TMCO4: variants seen among roughly 807,000 people sequenced by gnomAD.
TMCO4 encodes transmembrane and coiled-coil domains 4.
A neutral mutation model predicts 64.7 loss-of-function variants in TMCO4; 58 were observed. The observed-to-expected ratio is 0.90, with a 90% CI of 0.73 to 1.12. TMCO4 has a LOEUF of 1.12. Ranked by LOEUF, TMCO4 falls within the 50% of genes most tolerant of loss-of-function variation. The pLI, the probability that TMCO4 is intolerant of heterozygous loss-of-function variation, is 0.00. For missense variants in TMCO4, 780 were observed against 825.9 expected, an observed-to-expected ratio of 0.94 and a Z score of 0.68; for synonymous variants, 325 against 346.1, an observed-to-expected ratio of 0.94 and a Z score of 0.68.
chr1:19,692,575 CAAAAAAAA>C (rs532713684), intron 15 of TMCO4, among the ~76,000 whole-genome samples: 5 of 63,956 alleles, frequency 7.8e-5, no homozygotes, highest in African/African-American at 2.0e-4. Flanking sequence ...ATTAAAAATA[CAAAAAAAA>C]AAAAAAAAAA....
intron 14 of TMCO4, 124 bp downstream of exon 14, chr1:19,700,644 C>A: frequency 1.1e-6 from 1 of 942,952 alleles, no homozygotes; most frequent in Non-Finnish European, 1.6e-6. Flanking sequence ...GGTGCCCGGC[C>A]GGTTCCTGGG....
intron 15 of TMCO4, among the ~76,000 whole-genome samples, chr1:19,687,210 C>T (rs1264307516): frequency 1.3e-5 from 2 of 152,178 alleles, no homozygotes; most frequent in South Asian, 2.1e-4. Flanking sequence ...CCTTGGCCTC[C>T]CAAAGTGCTT....
chr1:19,713,718 A>C (rs1422549406), intron 13 of TMCO4, among the ~76,000 whole-genome samples: 1 of 150,432 alleles, frequency 6.6e-6, no homozygotes, highest in East Asian at 2.3e-4. Context: ...ATCAACAACA[A>C]CAACAACAAC....
chr1:19,740,740 G>A, intron 11 of TMCO4, 37 bp downstream of exon 11: 2 of 1,584,760 alleles, frequency 1.3e-6, no homozygotes, highest in Non-Finnish European at 1.7e-6. Context: ...GAAGGCAGTG[G>A]GCATGCTGTT....
At chr1:19,779,366 T>C (rs907190150) in intron 4 of TMCO4, among the ~76,000 whole-genome samples, 1 of 152,220 alleles carries the variant, frequency 6.6e-6, no homozygotes, top group Non-Finnish European at 1.5e-5. Context: ...CTGTGTCCTC[T>C]GTCCACCACT....
chr1:19,734,793 G>C lies in TMCO4; in HGVS notation c.1264+2579C>G, dbSNP rs570293700. Reference sequence around the variant, plus strand: ...GCCAGACTCCCTGGGCCTGAATCCTGGCTCTGGCACTTAGGATTCTTGTGG... The same window carrying C: ...GCCAGACTCCCTGGGCCTGAATCCTCGCTCTGGCACTTAGGATTCTTGTGG... On this transcript the variant is annotated intron_variant, in intron 13 of 15. Coordinates refer to ENST00000294543, the MANE Select transcript of TMCO4 (RefSeq NM_181719.7). The surrounding 1 kb of genome is among the most constrained non-coding windows in gnomAD (Gnocchi z 4.4). 2.0e-5 allele frequency among the ~76,000 whole-genome samples: 3 copies of C among 152,258 alleles called. No individual in the cohort carries two copies. Among genetic ancestry groups the C allele is most frequent in the South Asian group, 4.1e-4 (2 of 4,822 alleles).
intron 14 of TMCO4, among the ~76,000 whole-genome samples, chr1:19,695,787 G>A (rs976185578): frequency 6.6e-5 from 10 of 152,164 alleles, no homozygotes; most frequent in African/African-American, 2.4e-4. Flanking sequence ...CTGGGTCCCT[G>A]AGCTAAGGGG....
chr1:19,732,910 T>A lies in TMCO4; in HGVS notation c.1264+4462A>T, dbSNP rs2095436208. 6.6e-6 allele frequency among the ~76,000 whole-genome samples: 1 copy of A among 151,906 alleles called. No homozygotes were observed. The highest frequency in any genetic ancestry group is 2.1e-4 in the South Asian group (1 of 4,824). On this transcript the variant is annotated intron_variant, in intron 13 of 15. Transcript: ENST00000294543. The surrounding 1 kb of genome is among the most constrained non-coding windows in gnomAD (Gnocchi z 4.8). ...TTCTTCTTCTTTTAAAATGTAGAGGTTTTCTTTTTTTCTTTCTTCTCGTTT... is the reference window on the plus strand; with the variant it reads ...TTCTTCTTCTTTTAAAATGTAGAGGATTTCTTTTTTTCTTTCTTCTCGTTT...
At chr1:19,746,250 G>A (rs2041776199) in intron 9 of TMCO4, among the ~76,000 whole-genome samples, 1 of 152,182 alleles carries the variant, frequency 6.6e-6, no homozygotes, top group African/African-American at 2.4e-5. Flanking sequence ...CACACAAGGT[G>A]CATGGGGAAA....
At chr1:19,697,602 T>C (rs1250416000) in intron 14 of TMCO4, among the ~76,000 whole-genome samples, 1 of 149,416 alleles carries the variant, frequency 6.7e-6, no homozygotes, top group Admixed American at 6.7e-5. Flanking sequence ...CCTGGTTAAC[T>C]TTTGTATTTT....
At chr1:19,694,682 T>C in intron 14 of TMCO4, 131 bp from the exon 15 acceptor site, 1 of 751,490 alleles carries the variant, frequency 1.3e-6, no homozygotes, top group Non-Finnish European at 2.2e-6. Context: ...GGCCCCTGAT[T>C]GCACGGTGGG....
Position 19,734,789 on chromosome 1 carries a change from T to C in TMCO4, c.1264+2583A>G, listed in dbSNP as rs1040487614. On this transcript the variant is annotated intron_variant, in intron 13 of 15. Transcript: ENST00000294543. The surrounding 1 kb of genome is among the most constrained non-coding windows in gnomAD (Gnocchi z 4.4). ...CAGGGCCAGACTCCCTGGGCCTGAA[T>C]CCTGGCTCTGGCACTTAGGATTCTT... is the stretch of plus-strand genomic sequence containing the variant. Among the ~76,000 whole-genome samples the C allele has an allele frequency of 6.6e-6, 1 of 152,126 alleles. No individual in the cohort carries two copies. Among genetic ancestry groups the C allele is most frequent in the Non-Finnish European group, 1.5e-5 (1 of 68,012 alleles).
chr1:19,717,058 C>T (rs893388240), intron 13 of TMCO4, among the ~76,000 whole-genome samples: 2 of 152,066 alleles, frequency 1.3e-5, no homozygotes, highest in African/African-American at 4.8e-5. Flanking sequence ...TGGTAGTAGG[C>T]GCCTGTAATC....
chr1:19,736,782 A>G (rs2095456708), intron 13 of TMCO4, among the ~76,000 whole-genome samples: 1 of 152,132 alleles, frequency 6.6e-6, no homozygotes, highest in African/African-American at 2.4e-5. Flanking sequence ...TGAATGGTGA[A>G]CCCCCAGAAG....
intron 13 of TMCO4, among the ~76,000 whole-genome samples, chr1:19,727,495 A>T (rs1217766790): frequency 6.6e-6 from 1 of 152,228 alleles, no homozygotes; most frequent in Non-Finnish European, 1.5e-5. Context: ...AACTCCCTAA[A>T]GCCTAGTCTA....
At chr1:19,779,694 G>A (rs2043369202) in intron 4 of TMCO4, among the ~76,000 whole-genome samples, 1 of 152,180 alleles carries the variant, frequency 6.6e-6, no homozygotes, top group Non-Finnish European at 1.5e-5. Context: ...TTGAGGGCAG[G>A]AGCTGGGCCT....
intron 15 of TMCO4, among the ~76,000 whole-genome samples, chr1:19,685,357 AG>A (rs1416233330): frequency 6.6e-6 from 1 of 151,958 alleles, no homozygotes; most frequent in Non-Finnish European, 1.5e-5. Flanking sequence ...AAACATTAGC[AG>A]GGCCTCTGTT....
At chr1:19,770,291 C>T (rs1024586498) in intron 6 of TMCO4, among the ~76,000 whole-genome samples, 5 of 152,132 alleles carry the variant, frequency 3.3e-5, no homozygotes, top group Non-Finnish European at 7.4e-5. Context: ...GAACCAGATT[C>T]GAGAGTTACT....
intron 3 of TMCO4, among the ~76,000 whole-genome samples, chr1:19,784,344 G>A (rs2101089616): frequency 6.6e-6 from 1 of 152,116 alleles, no homozygotes. Flanking sequence ...GACCAGCCTG[G>A]CCAACATAGT....
Sources: allele counts gnomAD v4.1 joint callset (sites outside exome capture counted in the v4.1 genomes callset), GRCh38; gene constraint gnomAD v4.1.1; non-coding constraint Gnocchi (gnomAD v3.1); transcripts MANE v1.5; gene names NCBI Gene and HGNC (gene_info 2026-07-23, HGNC 2026-07-21).